MAGI2: variants seen among roughly 807,000 people sequenced by gnomAD.
MAGI2 encodes membrane-associated guanylate kinase, WW and PDZ domain-containing protein 2.
In MAGI2, 35 loss-of-function variants were observed where a neutral mutation model predicts 133.3. That is an observed-to-expected ratio of 0.26 (90% CI 0.20 to 0.35). MAGI2 has a LOEUF of 0.35. MAGI2 is among the 10% of genes least tolerant of loss of function. The pLI, the probability that MAGI2 is intolerant of heterozygous loss-of-function variation, is 1.00. For missense variants in MAGI2, 1,636 were observed against 1,863.4 expected, an observed-to-expected ratio of 0.88 and a Z score of 2.25; for synonymous variants, 729 against 710.6, an observed-to-expected ratio of 1.03 and a Z score of -0.41.
chr7:78,179,655 C>T (rs1826998701), intron 13 of MAGI2, among the ~76,000 whole-genome samples: 1 of 152,180 alleles, frequency 6.6e-6, no homozygotes, highest in African/African-American at 2.4e-5. Flanking sequence ...TGACCAAGAC[C>T]TTTTCCATTC....
At chr7:78,832,000 A>G (rs1394237751) in intron 2 of MAGI2, among the ~76,000 whole-genome samples, 1 of 152,172 alleles carries the variant, frequency 6.6e-6, no homozygotes. Flanking sequence ...CTGCAGAAAG[A>G]GCGAATCAGT....
intron 1 of MAGI2, among the ~76,000 whole-genome samples, chr7:79,322,418 T>C (rs1839254609): frequency 6.6e-6 from 1 of 152,054 alleles, no homozygotes; most frequent in East Asian, 1.9e-4. Context: ...GAAGCCAGAC[T>C]GTCTAGGTCC....
intron 1 of MAGI2, among the ~76,000 whole-genome samples, chr7:79,119,578 C>T (rs1299336368): frequency 3.3e-5 from 5 of 151,934 alleles, no homozygotes; most frequent in African/African-American, 9.7e-5. Context: ...AGTGACAGAA[C>T]GTTTTCAGTA....
At chr7:79,277,923 TA>T (rs1835353142) in intron 1 of MAGI2, among the ~76,000 whole-genome samples, 1 of 152,114 alleles carries the variant, frequency 6.6e-6, no homozygotes, top group South Asian at 2.1e-4. Flanking sequence ...CTGAGTTTCA[TA>T]AGTGACAATT....
chr7:79,313,531 C>T (rs1440090816), intron 1 of MAGI2, among the ~76,000 whole-genome samples: 2 of 151,938 alleles, frequency 1.3e-5, no homozygotes, highest in Admixed American at 6.6e-5. Flanking sequence ...ATGATACAAT[C>T]GATTCAATTT....
In MAGI2 at chr7:78,801,599, A is replaced by G. The variant is rs143468411; in HGVS notation, c.419-174360T>C. Among the ~76,000 whole-genome samples, 524 of 111,280 alleles carry G rather than the reference A, an allele frequency of 4.7e-3. 2 individuals are homozygous for G. Among genetic ancestry groups the G allele is most frequent in the African/African-American group, 0.015 (492 of 33,458 alleles). 73.0% of individuals were successfully genotyped at this position (111,280 alleles called of 152,430 possible). A position where few individuals can be genotyped will look rare whatever the true frequency, so the allele number is the denominator to read the frequency against. ...AAATACATTAATAGCATGAAACCCAAATAATAAAAAGGGTTTTTTTTGGTA... is the reference window on the plus strand; with the variant it reads ...AAATACATTAATAGCATGAAACCCAGATAATAAAAAGGGTTTTTTTTGGTA... On this transcript the variant is annotated intron_variant, in intron 2 of 21. Coordinates refer to ENST00000354212, the MANE Select transcript of MAGI2 (RefSeq NM_012301.4).
At chr7:78,465,184 C>T (rs1451642302) in intron 6 of MAGI2, among the ~76,000 whole-genome samples, 3 of 152,168 alleles carry the variant, frequency 2.0e-5, no homozygotes, top group Non-Finnish European at 4.4e-5. Context: ...TTCACATACA[C>T]ACACATATGG....
chr7:78,408,763 TTA>T (rs1209374940), intron 6 of MAGI2, among the ~76,000 whole-genome samples: 4 of 152,098 alleles, frequency 2.6e-5, no homozygotes, highest in Non-Finnish European at 5.9e-5. Flanking sequence ...AAAAATAATT[TTA>T]TGTTGATTAT....
intron 1 of MAGI2, among the ~76,000 whole-genome samples, chr7:79,378,714 A>G (rs997476215): frequency 1.2e-4 from 18 of 151,520 alleles, no homozygotes; most frequent in African/African-American, 4.3e-4. Flanking sequence ...CAGTTAACAA[A>G]GTATTTCAAT....
chr7:79,194,698 C>T (rs2129551448), intron 1 of MAGI2, among the ~76,000 whole-genome samples: 1 of 151,472 alleles, frequency 6.6e-6, no homozygotes, highest in East Asian at 1.9e-4. Flanking sequence ...TGACATCTAG[C>T]TTTTTTGATG....
chr7:78,775,095 C>T lies in MAGI2; in HGVS notation c.419-147856G>A, dbSNP rs561299577. ...TTGGGAGGCCGAGGTGGGCGGATCACGAGATCAGGAGATCGAGACCATCCT... is the reference window on the plus strand; with the variant it reads ...TTGGGAGGCCGAGGTGGGCGGATCATGAGATCAGGAGATCGAGACCATCCT... On this transcript the variant is annotated intron_variant, in intron 2 of 21. Coordinates refer to ENST00000354212, the MANE Select transcript of MAGI2 (RefSeq NM_012301.4). Among the ~76,000 whole-genome samples the T allele has an allele frequency of 2.6e-5, 4 of 151,550 alleles. No homozygotes were observed. In the East Asian group the frequency reaches 5.9e-4, roughly 22 times the overall value.
chr7:79,228,371 G>T (rs79075909), intron 1 of MAGI2, among the ~76,000 whole-genome samples: 2 of 36,958 alleles, frequency 5.4e-5, no homozygotes, highest in African/African-American at 7.2e-5. Context: ...AAAAAAAAAA[G>T]ATCGTGGGAT....
At chr7:78,989,293 T>C (rs192715751) in intron 2 of MAGI2, among the ~76,000 whole-genome samples, 100 of 152,186 alleles carry the variant, frequency 6.6e-4, no homozygotes, top group Middle Eastern at 6.8e-3. Flanking sequence ...CATACTTTTA[T>C]TACAGAAATA....
chr7:78,405,082 C>G (rs1359276721), intron 6 of MAGI2, among the ~76,000 whole-genome samples: 6 of 152,242 alleles, frequency 3.9e-5, no homozygotes, highest in African/African-American at 7.2e-5. Flanking sequence ...TTCCCACCAA[C>G]AGCATTTTTT....
chr7:79,124,969 G>T, intron 1 of MAGI2: 1 of 284,110 alleles, frequency 3.5e-6, no homozygotes, highest in East Asian at 9.1e-5. Flanking sequence ...CACGAAAGGT[G>T]GAGGGAAGAG....
chr7:78,945,687 T>G (rs1336098976), intron 2 of MAGI2, among the ~76,000 whole-genome samples: 3 of 152,136 alleles, frequency 2.0e-5, no homozygotes, highest in Non-Finnish European at 4.4e-5. Context: ...TCTATGAAAT[T>G]TCCCATCCTT....
intron 3 of MAGI2, among the ~76,000 whole-genome samples, chr7:78,529,378 G>T (rs1237886308): frequency 2.0e-5 from 3 of 152,136 alleles, no homozygotes; most frequent in South Asian, 2.1e-4. Context: ...TATCAGAGTA[G>T]CTCAGAACAT....
chr7:79,020,815 G>C (rs552674865), intron 1 of MAGI2, among the ~76,000 whole-genome samples: 1 of 151,098 alleles, frequency 6.6e-6, no homozygotes, highest in Non-Finnish European at 1.5e-5. Context: ...AATGTTAATC[G>C]CCAAGACAAT....
intron 1 of MAGI2, among the ~76,000 whole-genome samples, chr7:79,257,486 C>A (rs543706381): frequency 3.9e-5 from 6 of 152,204 alleles, no homozygotes; most frequent in Admixed American, 3.3e-4. Context: ...CTATTAGATC[C>A]AAATACCCTA....
Sources: allele counts gnomAD v4.1 joint callset (sites outside exome capture counted in the v4.1 genomes callset), GRCh38; gene constraint gnomAD v4.1.1; transcripts MANE v1.5; gene names NCBI Gene and HGNC (gene_info 2026-07-23, HGNC 2026-07-21).